Variants in KCNIP4 observed in about 807,000 individuals in gnomAD.
KCNIP4 encodes the protein potassium voltage-gated channel interacting protein 4, also known as Kv channel-interacting protein 4.
A neutral mutation model predicts 34.0 loss-of-function variants in KCNIP4; 12 were observed. The ratio of observed to expected loss-of-function variants is 0.35; its 90% CI spans 0.23 to 0.57. The LOEUF (loss-of-function observed/expected upper bound fraction) is 0.57. KCNIP4 is among the 20% of genes least tolerant of loss of function. The pLI, the probability that KCNIP4 is intolerant of heterozygous loss-of-function variation, is 0.83. For synonymous variants in KCNIP4, 124 were observed against 102.2 expected, an observed-to-expected ratio of 1.21 and a Z score of -1.29; for missense variants, 238 against 311.7, an observed-to-expected ratio of 0.76 and a Z score of 1.78.
chr4:21,326,634 A>C (rs1048544500), intron 1 of KCNIP4, among the ~76,000 whole-genome samples: 2 of 151,452 alleles, frequency 1.3e-5, no homozygotes, highest in African/African-American at 4.8e-5. Flanking sequence ...ATCCATTTAC[A>C]TTCAAGGTTA....
chr4:21,453,161 G>A (rs1216563879), intron 1 of KCNIP4, among the ~76,000 whole-genome samples: 1 of 152,098 alleles, frequency 6.6e-6, no homozygotes, highest in East Asian at 1.9e-4. Context: ...GAGTGTGCAG[G>A]TTTGAGGGGG....
rs533540856 is a variant in KCNIP4, at chr4:21,088,030, TG to T, written c.62-205322del. Among the ~76,000 whole-genome samples, 25 of 152,320 alleles carry T rather than the reference TG, an allele frequency of 1.6e-4. No homozygotes were observed. In the South Asian group the frequency reaches 4.8e-3, roughly 29 times the overall value. On this transcript the variant is annotated intron_variant, in intron 1 of 8. Transcript: ENST00000382152. Reference sequence around the variant, plus strand: ...AAATGTTCATCGCCTGGACAGACCTTGCTTCTGAGTTCCAAAAATGTCTATT... The same window carrying T: ...AAATGTTCATCGCCTGGACAGACCTTCTTCTGAGTTCCAAAAATGTCTATT...
chr4:21,490,117 T>C (rs1326027463), intron 1 of KCNIP4, among the ~76,000 whole-genome samples: 2 of 152,160 alleles, frequency 1.3e-5, no homozygotes, highest in African/African-American at 2.4e-5. Context: ...ATTTTATGCA[T>C]TTAATAATTT....
chr4:21,705,859 T>C (rs1208160228), intron 1 of KCNIP4, among the ~76,000 whole-genome samples: 1 of 152,166 alleles, frequency 6.6e-6, no homozygotes, highest in African/African-American at 2.4e-5. Context: ...ATCAGCCCTC[T>C]GTAGAAGGTT....
intron 1 of KCNIP4, among the ~76,000 whole-genome samples, chr4:21,907,740 T>A (rs1728080903): frequency 6.6e-6 from 1 of 152,174 alleles, no homozygotes; most frequent in African/African-American, 2.4e-5. Context: ...ATTTTTTCCA[T>A]GTGTATGAAG....
At chr4:21,255,387 T>G (rs1760995486) in intron 1 of KCNIP4, among the ~76,000 whole-genome samples, 1 of 152,132 alleles carries the variant, frequency 6.6e-6, no homozygotes, top group Non-Finnish European at 1.5e-5. Flanking sequence ...TCATCACCAG[T>G]TTTTTTCTTA....
chr4:21,918,056 G>C, intron 1 of KCNIP4, among the ~76,000 whole-genome samples: 1 of 152,118 alleles, frequency 6.6e-6, no homozygotes, highest in East Asian at 1.9e-4. Flanking sequence ...ACCCCCATTA[G>C]GTGGTGGCAA....
rs936669129 is a variant in KCNIP4 at position 21,113,895 on chromosome 4, C to T, written c.62-231186G>A. Among the ~76,000 whole-genome samples, 7 of 152,284 alleles carry T rather than the reference C, an allele frequency of 4.6e-5. No homozygotes were observed. In the East Asian group the frequency reaches 1.2e-3, roughly 25 times the overall value. ...GGTGACATTTGACTTAACTCTAATA[C>T]ACCATAATTAGTTTCTTTCTCCATC... On this transcript the variant is annotated intron_variant, in intron 1 of 8. Coordinates refer to ENST00000382152, the MANE Select transcript of KCNIP4 (RefSeq NM_025221.6).
chr4:21,277,316 TAGAG>T (rs1762502745), intron 1 of KCNIP4, among the ~76,000 whole-genome samples: 1 of 152,114 alleles, frequency 6.6e-6, no homozygotes, highest in Non-Finnish European at 1.5e-5. Flanking sequence ...GAAATATTCA[TAGAG>T]AGCCAAGGAT....
chr4:20,869,021 G>A (rs886184512), intron 2 of KCNIP4, among the ~76,000 whole-genome samples: 11 of 152,092 alleles, frequency 7.2e-5, no homozygotes, highest in Admixed American at 6.6e-4. Context: ...TACAGGTAAT[G>A]TATTTATGCA....
chr4:21,213,490 T>C (rs1757365363), intron 1 of KCNIP4, among the ~76,000 whole-genome samples: 1 of 151,872 alleles, frequency 6.6e-6, no homozygotes. Context: ...TTAGTAGAAA[T>C]GGGGTTTCAC....
At chr4:20,832,469 C>T (rs759611148) in intron 3 of KCNIP4, among the ~76,000 whole-genome samples, 4 of 152,124 alleles carry the variant, frequency 2.6e-5, no homozygotes, top group Admixed American at 1.3e-4. Flanking sequence ...CAGCAATTCC[C>T]TTGGCCTAAT....
intron 3 of KCNIP4, among the ~76,000 whole-genome samples, chr4:20,842,430 C>G (rs1719853713): frequency 6.6e-6 from 1 of 151,892 alleles, no homozygotes; most frequent in South Asian, 2.1e-4. Context: ...GAAAAGTCAG[C>G]AGAAGATGGT....
At chr4:20,975,284 T>C (rs896046318) in intron 1 of KCNIP4, among the ~76,000 whole-genome samples, 1 of 152,240 alleles carries the variant, frequency 6.6e-6, no homozygotes, top group South Asian at 2.1e-4. Context: ...AAAGGCTCAA[T>C]GTAGTGCAAC....
chr4:20,738,117 A>C (rs896739466), intron 5 of KCNIP4, among the ~76,000 whole-genome samples: 25 of 151,636 alleles, frequency 1.6e-4, no homozygotes, highest in African/African-American at 5.1e-4. Flanking sequence ...ATGACAGACC[A>C]AGACTCTGTC....
intron 1 of KCNIP4, among the ~76,000 whole-genome samples, chr4:21,820,885 A>T: frequency 6.6e-6 from 1 of 152,146 alleles, no homozygotes; most frequent in African/African-American, 2.4e-5. Flanking sequence ...TGAGACACTG[A>T]GGTTGAAAAA....
chr4:21,443,182 G>A (rs954488688), intron 1 of KCNIP4, among the ~76,000 whole-genome samples: 2 of 152,120 alleles, frequency 1.3e-5, no homozygotes, highest in African/African-American at 4.8e-5. Flanking sequence ...CAGCTGACCT[G>A]TTCCCAGCTC....
chr4:21,591,851 A>C (rs1742247613), intron 1 of KCNIP4, among the ~76,000 whole-genome samples: 1 of 152,138 alleles, frequency 6.6e-6, no homozygotes, highest in Admixed American at 6.6e-5. Context: ...AATATTCTCA[A>C]AGGCACCTTT....
chr4:20,907,303 T>C (rs1727867437), intron 1 of KCNIP4, among the ~76,000 whole-genome samples: 1 of 152,162 alleles, frequency 6.6e-6, no homozygotes, highest in Non-Finnish European at 1.5e-5. Context: ...TCAACTAATA[T>C]ATATTAATGT....
Sources: allele counts gnomAD v4.1 joint callset (sites outside exome capture counted in the v4.1 genomes callset), GRCh38; gene constraint gnomAD v4.1.1; transcripts MANE v1.5; gene names NCBI Gene and HGNC (gene_info 2026-07-23, HGNC 2026-07-21).